The following MESD variants were observed in gnomAD, a reference collection of about 807,000 sequenced individuals.
MESD encodes the protein mesoderm development LRP chaperone, also known as LRP chaperone MESD.
In MESD, 7 loss-of-function variants were observed where a neutral mutation model predicts 12.9. That is an observed-to-expected ratio of 0.54 (90% CI 0.31 to 1.02). The LOEUF (loss-of-function observed/expected upper bound fraction) is 1.02. Among genes scored for constraint, MESD ranks in the 50% least tolerant of loss-of-function variants. The probability of loss-of-function intolerance (pLI) is 0.05; values close to 1 mark genes in which losing one functional copy is unlikely to be tolerated. For synonymous variants in MESD, 126 were observed against 115.6 expected, an observed-to-expected ratio of 1.09 and a Z score of -0.58; for missense variants, 342 against 296.7, an observed-to-expected ratio of 1.15 and a Z score of -1.12.
chr15:80,963,120 G>C (rs117935981), intron 3 of MESD, among the ~76,000 whole-genome samples: 8,792 of 152,164 alleles, frequency 0.058, 328 homozygotes, highest in Middle Eastern at 0.18. Context: ...GAATCAAATA[G>C]ATGTAATAAA....
At chr15:80,969,562 C>G (rs757245866) in intron 3 of MESD, among the ~76,000 whole-genome samples, 29 of 151,940 alleles carry the variant, frequency 1.9e-4, no homozygotes, top group Admixed American at 3.9e-4. Context: ...GAGTTTAAAT[C>G]CTGGGTTTGA....
downstream of MESD, among the ~76,000 whole-genome samples, chr15:80,971,343 C>A (rs191581802): frequency 6.6e-6 from 1 of 152,308 alleles, no homozygotes; most frequent in East Asian, 1.9e-4. Context: ...ATGCAAAGCC[C>A]TAGAAATGAC....
chr15:80,979,697 A>T (rs1465246112), intron 2 of MESD, among the ~76,000 whole-genome samples: 1 of 152,232 alleles, frequency 6.6e-6, no homozygotes. Flanking sequence ...AGAAACAGAC[A>T]CTGGATGTTC....
exon 4 of MESD, chr15:80,952,181 C>G: frequency 4.4e-6 from 2 of 456,206 alleles, no homozygotes. Flanking sequence ...AGGCCAAACA[C>G]GTTTGACAAG....
At chr15:80,949,667 G>A (rs1901733435) in intron 4 of MESD, 3 of 156,518 alleles carry the variant, frequency 1.9e-5, no homozygotes, top group African/African-American at 7.2e-5. Context: ...GGGATGGAGA[G>A]GTGAGAACTA....
At chr15:80,972,901 A>T (rs1288614434), downstream of MESD, among the ~76,000 whole-genome samples, 1 of 152,192 alleles carries the variant, frequency 6.6e-6, no homozygotes, top group Non-Finnish European at 1.5e-5. Context: ...AGGTGCCTGT[A>T]ATTCCAGCTA....
chr15:80,956,980 C>CTATT (rs201795049), intron 3 of MESD, among the ~76,000 whole-genome samples: 2 of 151,968 alleles, frequency 1.3e-5, no homozygotes, highest in African/African-American at 4.8e-5. Flanking sequence ...CCATGCCCAG[C>CTATT]TATTTATTTA....
At chr15:80,974,069 C>G (rs920670898), downstream of MESD, among the ~76,000 whole-genome samples, 14 of 152,092 alleles carry the variant, frequency 9.2e-5, no homozygotes, top group East Asian at 5.8e-4. Context: ...GTTCCCCCCC[C>G]CACTGGGGAG....
intron 3 of MESD, among the ~76,000 whole-genome samples, chr15:80,968,682 G>A (rs992868701): frequency 6.6e-6 from 1 of 152,154 alleles, no homozygotes; most frequent in African/African-American, 2.4e-5. Context: ...TGTGTTAAGT[G>A]CTTCACAGGG....
intron 3 of MESD, chr15:80,952,944 A>T: frequency 2.2e-6 from 1 of 455,856 alleles, no homozygotes; most frequent in South Asian, 1.5e-5. Flanking sequence ...TACCTGCCCA[A>T]TGAGTGGTGT....
chr15:80,975,658 C>T (rs376152660), downstream of MESD: 40 of 150,824 alleles, frequency 2.7e-4, no homozygotes, highest in African/African-American at 9.2e-4. Flanking sequence ...TAAGGGAAAC[C>T]ACCAGAAGTA....
At chr15:80,988,239 A>G (rs1902787218) in intron 1 of MESD, among the ~76,000 whole-genome samples, 1 of 152,242 alleles carries the variant, frequency 6.6e-6, no homozygotes, top group Non-Finnish European at 1.5e-5. Flanking sequence ...GTCATCATCT[A>G]GAAAATAGGG....
intron 4 of MESD, chr15:80,949,174 C>A (rs1901706866): frequency 1.8e-6 from 1 of 542,948 alleles, no homozygotes; most frequent in South Asian, 1.9e-5. Flanking sequence ...CCTGCAGCCT[C>A]TTGGGTGCTT....
chr15:80,955,152 T>C (rs1297324009), intron 3 of MESD, among the ~76,000 whole-genome samples: 3 of 149,400 alleles, frequency 2.0e-5, no homozygotes, highest in Non-Finnish European at 4.5e-5. Flanking sequence ...AAAAAAAAAG[T>C]TCAGCACCAC....
intron 3 of MESD, among the ~76,000 whole-genome samples, chr15:80,961,411 T>G (rs1567120107): frequency 6.6e-6 from 1 of 152,040 alleles, no homozygotes; most frequent in Non-Finnish European, 1.5e-5. Flanking sequence ...AAATGCAAAT[T>G]GAAACAACAG....
chr15:80,959,080 C>T (rs1291266531), intron 3 of MESD, among the ~76,000 whole-genome samples: 2 of 152,212 alleles, frequency 1.3e-5, no homozygotes, highest in African/African-American at 2.4e-5. Context: ...GGGGAGATTG[C>T]GGAGATTTAC....
Position 80,979,101 on chromosome 15 carries a change from T to C in MESD, c.*118A>G. 1 of 1,387,426 alleles carries C rather than the reference T, an allele frequency of 7.2e-7. No homozygotes were observed. Among genetic ancestry groups the C allele is most frequent in the South Asian group, 1.4e-5 (1 of 71,198 alleles). 85.9% of individuals were successfully genotyped at this position (1,387,426 alleles called of 1,614,324 possible). The stretch of plus-strand genomic sequence containing the variant: ...AACTGGTCATGTGGCAGACCCTTTC[T>C]AGAAGACACTAGAATGTCATCCGGT... On this transcript the variant is annotated 3_prime_UTR_variant, in exon 3 of 3. Coordinates refer to ENST00000261758, the MANE Select transcript of MESD (RefSeq NM_015154.3).
chr15:80,974,022 G>A (rs953311898), downstream of MESD, among the ~76,000 whole-genome samples: 1 of 152,074 alleles, frequency 6.6e-6, no homozygotes, highest in Non-Finnish European at 1.5e-5. Context: ...ACTCTCTGAA[G>A]TCTTGGCAAT....
chr15:80,982,237 TG>T, intron 1 of MESD, 55 bp from the exon 2 acceptor site: 1 of 1,465,360 alleles, frequency 6.8e-7, no homozygotes, highest in Admixed American at 1.8e-5. Context: ...GCTTTTCAAC[TG>T]GCACAGGCAA....
Sources: gnomAD v4.1 joint callset for allele counts (sites outside exome capture counted in the v4.1 genomes callset) on GRCh38, gnomAD v4.1.1 for gene constraint, MANE v1.5 for transcripts, NCBI Gene and HGNC (gene_info 2026-07-23, HGNC 2026-07-21) for gene names.